The following ADARB2 variants were observed in gnomAD, a reference collection of about 807,000 sequenced individuals.
The protein encoded by ADARB2 is adenosine deaminase RNA specific B2 (inactive), also known as inactive double-stranded RNA-specific editase B2.
In ADARB2, 25 loss-of-function variants were observed where a neutral mutation model predicts 62.2. That is an observed-to-expected ratio of 0.40 (90% CI 0.29 to 0.56). The LOEUF is 0.56. Among genes scored for constraint, ADARB2 ranks in the 20% least tolerant of loss-of-function variants. The pLI is 0.43. For missense variants in ADARB2, 1,071 were observed against 1,077.4 expected, an observed-to-expected ratio of 0.99 and a Z score of 0.08; for synonymous variants, 572 against 500.8, an observed-to-expected ratio of 1.14 and a Z score of -1.90.
At position 1,177,892 on chromosome 10, in the gene ADARB2, G is replaced by A. The variant is rs1232546270; in HGVS notation, c.*5301C>T. 6.6e-6 allele frequency: 1 copy of A among 152,294 alleles called. No individual in the cohort carries two copies. Among genetic ancestry groups the A allele is most frequent in the East Asian group, 1.9e-4 (1 of 5,200 alleles). 9.4% of individuals were successfully genotyped at this position (152,294 alleles called of 1,614,324 possible). On this transcript the variant is annotated 3_prime_UTR_variant, in exon 10 of 10. Coordinates refer to ENST00000381312, the MANE Select transcript of ADARB2 (RefSeq NM_018702.4). ...GCAGATCACTTGAGGCCAGGAGTTCGAGACTAGCCTGGGCAACATGGTGAG... is the reference window on the plus strand; with the variant it reads ...GCAGATCACTTGAGGCCAGGAGTTCAAGACTAGCCTGGGCAACATGGTGAG...
chr10:1,707,133 C>T (rs1479410959), intron 1 of ADARB2, among the ~76,000 whole-genome samples: 1 of 152,246 alleles, frequency 6.6e-6, no homozygotes, highest in East Asian at 1.9e-4. Context: ...ATGCCCTTTT[C>T]CCCTGGATTC....
intron 3 of ADARB2, among the ~76,000 whole-genome samples, chr10:1,337,082 G>GTGTATGTGTGTA (rs1554755019): frequency 6.6e-6 from 1 of 151,416 alleles, no homozygotes; most frequent in East Asian, 1.9e-4. Flanking sequence ...GTGTGTGTGT[G>GTGTATGTGTGTA]TGTGTGTGTG....
chr10:1,725,877 AT>A (rs1835157995), intron 1 of ADARB2, among the ~76,000 whole-genome samples: 1 of 152,250 alleles, frequency 6.6e-6, no homozygotes, highest in African/African-American at 2.4e-5. Context: ...CATGAAGGCC[AT>A]TTCTTCAGCC....
Position 1,179,311 on chromosome 10 carries a change from C to G in ADARB2, c.*3882G>C, listed in dbSNP as rs1039360981. 1.3e-5 allele frequency: 2 copies of G among 152,218 alleles called. No homozygotes were observed. The highest frequency in any genetic ancestry group is 6.5e-5 in the Admixed American group (1 of 15,282). The allele number at this position is 152,218 out of a possible 1,614,324, so 9.4% of individuals were successfully genotyped here. Reference sequence around the variant, plus strand: ...TGTGTTTCTTTGAAAAGGAACCCAGCTTGATGTTTCTGAGGAACAGGACTC... The same window carrying G: ...TGTGTTTCTTTGAAAAGGAACCCAGGTTGATGTTTCTGAGGAACAGGACTC... On this transcript the variant is annotated 3_prime_UTR_variant, in exon 10 of 10. Transcript: ENST00000381312.
At chr10:1,224,968 C>A (rs972969896) in intron 6 of ADARB2, among the ~76,000 whole-genome samples, 12 of 152,138 alleles carry the variant, frequency 7.9e-5, no homozygotes, top group Non-Finnish European at 1.6e-4. Context: ...TCCTGGGTAT[C>A]CTTGTTAACT....
intron 3 of ADARB2, among the ~76,000 whole-genome samples, chr10:1,289,549 GGGACAGACCAGGGTGCTCCTGAC>G (rs1239586232): frequency 1.3e-5 from 2 of 152,246 alleles, no homozygotes; most frequent in Non-Finnish European, 2.9e-5. Context: ...GCTGCTGGGT[GGGACAGACCAGGGTGCTCCTGAC>G]GGGCAGACCC....
At chr10:1,389,894 G>A (rs1832555669) in intron 1 of ADARB2, among the ~76,000 whole-genome samples, 1 of 152,138 alleles carries the variant, frequency 6.6e-6, no homozygotes, top group Non-Finnish European at 1.5e-5. Flanking sequence ...TTTGGAAAAT[G>A]TCTTGGTTGT....
At chr10:1,266,511 T>TG (rs782182369) in intron 4 of ADARB2, among the ~76,000 whole-genome samples, 5,219 of 128,064 alleles carry the variant, frequency 0.041, 158 homozygotes, top group African/African-American at 0.097. Flanking sequence ...TGGTGGGGGG[T>TG]GGGGGGGGGG....
At chr10:1,689,518 A>G (rs1199197789) in intron 1 of ADARB2, among the ~76,000 whole-genome samples, 1 of 152,184 alleles carries the variant, frequency 6.6e-6, no homozygotes, top group Non-Finnish European at 1.5e-5. Flanking sequence ...GGGCATCTGT[A>G]TTCATGCGAT....
At chr10:1,355,332 G>T (rs1292056183) in intron 3 of ADARB2, among the ~76,000 whole-genome samples, 1 of 152,184 alleles carries the variant, frequency 6.6e-6, no homozygotes, top group Admixed American at 6.5e-5. Flanking sequence ...TTGAGGATGA[G>T]CCCCAGCCCC....
chr10:1,420,756 G>A (rs1439248647), intron 1 of ADARB2, among the ~76,000 whole-genome samples: 1 of 152,174 alleles, frequency 6.6e-6, no homozygotes, highest in Non-Finnish European at 1.5e-5. Flanking sequence ...AGCAGGAGAA[G>A]ATGTAATTCT....
At position 1,591,675 on chromosome 10, in the gene ADARB2, A is replaced by ACACACG. The variant is rs754417793; in HGVS notation, c.100+145375_100+145376insCGTGTG. Reference sequence around the variant, plus strand: ...GGCGTGCACGCACACACACACACACACACGCACACACTCACCAGGACCCCC... The same window carrying ACACACG: ...GGCGTGCACGCACACACACACACACACACACGCACGCACACACTCACCAGGACCCCC... On this transcript the variant is annotated intron_variant, in intron 1 of 9. Coordinates refer to ENST00000381312, the MANE Select transcript of ADARB2 (RefSeq NM_018702.4). Among the ~76,000 whole-genome samples, 503 of 151,672 alleles carry ACACACG rather than the reference A, an allele frequency of 3.3e-3. 3 individuals are homozygous for ACACACG. Among genetic ancestry groups the ACACACG allele is most frequent in the African/African-American group, 0.011 (471 of 41,286 alleles).
chr10:1,601,417 C>T (rs112097406), intron 1 of ADARB2, among the ~76,000 whole-genome samples: 1 of 152,242 alleles, frequency 6.6e-6, no homozygotes, highest in African/African-American at 2.4e-5. Context: ...TTTCCTGTGC[C>T]CTGAAGGAAT....
chr10:1,294,114 G>A lies in ADARB2; in HGVS notation c.1078-23045C>T, dbSNP rs544424057. ...GTGAGGAGGAGATGGATGAAAATCAGCTGCAGTGGGTACGAGAATAGATCA... is the reference window on the plus strand; with the variant it reads ...GTGAGGAGGAGATGGATGAAAATCAACTGCAGTGGGTACGAGAATAGATCA... On this transcript the variant is annotated intron_variant, in intron 3 of 9. Transcript: ENST00000381312. Among the ~76,000 whole-genome samples the A allele has an allele frequency of 6.6e-5, 10 of 152,310 alleles. 1 individual carries two copies. The South Asian group carries it at 2.1e-3, about 32-fold the overall frequency.
At chr10:1,382,389 G>A (rs1165706356) in intron 1 of ADARB2, among the ~76,000 whole-genome samples, 1 of 152,218 alleles carries the variant, frequency 6.6e-6, no homozygotes, top group Non-Finnish European at 1.5e-5. Flanking sequence ...TGCAATCACC[G>A]TGAAGGCACA....
chr10:1,612,587 G>C (rs1405798754), intron 1 of ADARB2, among the ~76,000 whole-genome samples: 1 of 152,260 alleles, frequency 6.6e-6, no homozygotes, highest in African/African-American at 2.4e-5. Context: ...AGGGTTGAAA[G>C]TCATTAAATA....
intron 3 of ADARB2, among the ~76,000 whole-genome samples, chr10:1,310,457 A>G (rs1831678827): frequency 6.6e-6 from 1 of 152,270 alleles, no homozygotes; most frequent in South Asian, 2.1e-4. Context: ...GATGAAAGAA[A>G]AACAGAGGAA....
intron 1 of ADARB2, among the ~76,000 whole-genome samples, chr10:1,417,344 A>G (rs1832813032): frequency 6.6e-6 from 1 of 152,066 alleles, no homozygotes; most frequent in Non-Finnish European, 1.5e-5. Context: ...AGTATAGACT[A>G]GATGGTCAGG....
At chr10:1,387,850 A>G (rs1832537899) in intron 1 of ADARB2, among the ~76,000 whole-genome samples, 1 of 152,052 alleles carries the variant, frequency 6.6e-6, no homozygotes, top group Non-Finnish European at 1.5e-5. Context: ...TTTTAACAAG[A>G]TATTAGCAAA....
Sources: gnomAD v4.1 joint callset for allele counts (sites outside exome capture counted in the v4.1 genomes callset) on GRCh38, gnomAD v4.1.1 for gene constraint, MANE v1.5 for transcripts, NCBI Gene and HGNC (gene_info 2026-07-23, HGNC 2026-07-21) for gene names.